Variants in LCLAT1 observed in about 807,000 individuals in gnomAD.
The protein encoded by LCLAT1 is 1-AGP acyltransferase 8.
A neutral mutation model predicts 30.7 loss-of-function variants in LCLAT1; 11 were observed. That is an observed-to-expected ratio of 0.36 (90% CI 0.23 to 0.59). The LOEUF is 0.59. Ranked by LOEUF, LCLAT1 falls within the 20% of genes least tolerant of loss-of-function variation. The pLI, the probability that LCLAT1 is intolerant of heterozygous loss-of-function variation, is 0.77. For synonymous variants in LCLAT1, 155 were observed against 151.3 expected, an observed-to-expected ratio of 1.02 and a Z score of -0.18; for missense variants, 402 against 458.6, an observed-to-expected ratio of 0.88 and a Z score of 1.13.
chr2:30,539,257 T>TTTC (rs1663992088), intron 3 of LCLAT1, among the ~76,000 whole-genome samples: 2 of 146,708 alleles, frequency 1.4e-5, no homozygotes, highest in Admixed American at 6.8e-5. Flanking sequence ...CCTTTTTTTT[T>TTTC]TTTTTTTTTT....
At chr2:30,544,994 T>C (rs1175556172) in intron 3 of LCLAT1, among the ~76,000 whole-genome samples, 1 of 152,186 alleles carries the variant, frequency 6.6e-6, no homozygotes, top group Non-Finnish European at 1.5e-5. Flanking sequence ...AAGCTACTTA[T>C]AGAGTATCTT....
At chr2:30,597,264 C>A (rs928337385) in intron 5 of LCLAT1, among the ~76,000 whole-genome samples, 1 of 151,804 alleles carries the variant, frequency 6.6e-6, no homozygotes, top group Non-Finnish European at 1.5e-5. Context: ...ATTGATTCTT[C>A]CAATCCATGA....
intron 5 of LCLAT1, among the ~76,000 whole-genome samples, chr2:30,639,028 A>C (rs190904616): frequency 2.8e-4 from 43 of 152,300 alleles, no homozygotes; most frequent in Middle Eastern, 3.4e-3. Flanking sequence ...TGCTAAAATG[A>C]AACATATGGG....
intron 1 of LCLAT1, among the ~76,000 whole-genome samples, chr2:30,511,206 A>G (rs1256232207): frequency 2.0e-5 from 3 of 152,110 alleles, no homozygotes; most frequent in Non-Finnish European, 2.9e-5. Context: ...GCTGTTTATT[A>G]GGGAATCCCT....
At chr2:30,543,409 C>T (rs1411492264) in intron 3 of LCLAT1, among the ~76,000 whole-genome samples, 1 of 151,842 alleles carries the variant, frequency 6.6e-6, no homozygotes, top group Non-Finnish European at 1.5e-5. Flanking sequence ...GTTCTTTTTT[C>T]TTGTGAGATA....
chr2:30,495,593 CA>C (rs1396468201), intron 1 of LCLAT1, among the ~76,000 whole-genome samples: 2 of 152,014 alleles, frequency 1.3e-5, no homozygotes, highest in East Asian at 3.9e-4. Flanking sequence ...AACAGATTTC[CA>C]AAATGCTCTT....
chr2:30,535,127 A>G (rs1686179343), intron 3 of LCLAT1, among the ~76,000 whole-genome samples: 1 of 152,164 alleles, frequency 6.6e-6, no homozygotes, highest in South Asian at 2.1e-4. Context: ...AGGTTTTTGT[A>G]GGACAATGGC....
At chr2:30,532,494 C>T (rs992574736) in intron 2 of LCLAT1, among the ~76,000 whole-genome samples, 3 of 151,972 alleles carry the variant, frequency 2.0e-5, no homozygotes, top group Non-Finnish European at 4.4e-5. Flanking sequence ...TATTGTTTTT[C>T]TAAATACTTC....
At chr2:30,482,211 A>G (rs1231369995) in intron 1 of LCLAT1, among the ~76,000 whole-genome samples, 1 of 152,194 alleles carries the variant, frequency 6.6e-6, no homozygotes, top group Non-Finnish European at 1.5e-5. Context: ...AGTTATGTAC[A>G]TGTTCTTGTT....
At chr2:30,556,833 C>T (rs2148432278) in intron 3 of LCLAT1, among the ~76,000 whole-genome samples, 1 of 151,734 alleles carries the variant, frequency 6.6e-6, no homozygotes, top group African/African-American at 2.4e-5. Context: ...GCAACCTCCG[C>T]CTCCCGGGTT....
intron 1 of LCLAT1, among the ~76,000 whole-genome samples, chr2:30,463,248 C>G (rs1189305351): frequency 6.6e-6 from 1 of 151,970 alleles, no homozygotes; most frequent in Non-Finnish European, 1.5e-5. Flanking sequence ...TTATTTATGT[C>G]ATTACCTATA....
intron 5 of LCLAT1, among the ~76,000 whole-genome samples, chr2:30,611,637 T>C (rs1267867332): frequency 6.6e-6 from 1 of 152,102 alleles, no homozygotes; most frequent in Admixed American, 6.6e-5. Context: ...AGAAGGTACC[T>C]TGGAGTCAGG....
intron 2 of LCLAT1, among the ~76,000 whole-genome samples, chr2:30,530,617 C>A (rs1189885998): frequency 1.3e-5 from 2 of 152,190 alleles, no homozygotes; most frequent in Non-Finnish European, 2.9e-5. Context: ...GCAGTCAGAT[C>A]TCACTGTAAC....
chr2:30,460,159 G>T (rs989869372), intron 1 of LCLAT1, among the ~76,000 whole-genome samples: 1 of 152,176 alleles, frequency 6.6e-6, no homozygotes, highest in Non-Finnish European at 1.5e-5. Flanking sequence ...AACAGTGAGG[G>T]TTTGGGGAGT....
At chr2:30,546,082 G>C (rs1297920399) in intron 3 of LCLAT1, among the ~76,000 whole-genome samples, 1 of 152,166 alleles carries the variant, frequency 6.6e-6, no homozygotes, top group South Asian at 2.1e-4. Flanking sequence ...GGCCCACATT[G>C]TGATATATCT....
intron 5 of LCLAT1, among the ~76,000 whole-genome samples, chr2:30,589,136 A>C (rs1422670905): frequency 6.6e-6 from 1 of 152,202 alleles, no homozygotes; most frequent in African/African-American, 2.4e-5. Context: ...TCAGATATTA[A>C]ATTCCAGTTA....
chr2:30,473,895 A>G (rs1208811292), intron 1 of LCLAT1, among the ~76,000 whole-genome samples: 1 of 152,214 alleles, frequency 6.6e-6, no homozygotes, highest in East Asian at 1.9e-4. Context: ...CAAAACCCAA[A>G]GGCTTGTTTA....
At chr2:30,470,915 C>CTT (rs35399245) in intron 1 of LCLAT1, among the ~76,000 whole-genome samples, 6 of 135,758 alleles carry the variant, frequency 4.4e-5, no homozygotes, top group African/African-American at 1.1e-4. Flanking sequence ...TTTATTCATT[C>CTT]TTTTTTTTTT....
chr2:30,495,246 C>T (rs1039091154), intron 1 of LCLAT1, among the ~76,000 whole-genome samples: 5 of 152,084 alleles, frequency 3.3e-5, no homozygotes, highest in Non-Finnish European at 4.4e-5. Context: ...TTCTGTTTAT[C>T]GGTGTTCTTT....
Sources: allele counts gnomAD v4.1 joint callset (sites outside exome capture counted in the v4.1 genomes callset), GRCh38; gene constraint gnomAD v4.1.1; transcripts MANE v1.5; gene names NCBI Gene and HGNC (gene_info 2026-07-23, HGNC 2026-07-21).